Variants in TMEM9B observed in about 807,000 individuals in gnomAD.
TMEM9B encodes the protein transmembrane protein 9B.
Under a neutral mutation model 23.5 loss-of-function variants are expected in TMEM9B, and 8 were observed. The observed-to-expected ratio is 0.34, with a 90% CI of 0.20 to 0.61. The LOEUF (loss-of-function observed/expected upper bound fraction) is 0.61, where lower values mean the gene tolerates loss of function less well. TMEM9B is among the 20% of genes least tolerant of loss of function. TMEM9B has a pLI of 0.78. For synonymous variants in TMEM9B, 106 were observed against 96.3 expected (o/e 1.10, Z -0.59); for missense variants, 197 against 252.3 (o/e 0.78, Z 1.49).
intron 3 of TMEM9B, among the ~76,000 whole-genome samples, chr11:8,955,776 G>C (rs1853963939): frequency 6.6e-6 from 1 of 152,176 alleles, no homozygotes; most frequent in African/African-American, 2.4e-5. Flanking sequence ...GCTGTGGCCT[G>C]GGGGCTGGGG....
rs745819697 is a variant in TMEM9B at position 8,964,193 on chromosome 11, G to A, written c.105+16C>T. 6.4e-7 allele frequency: 1 copy of A among 1,560,702 alleles called. No individual in the cohort carries two copies. The highest frequency in any genetic ancestry group is 1.2e-5 in the South Asian group (1 of 84,506). On this transcript the variant is annotated intron_variant, in intron 1 of 4. Coordinates refer to ENST00000534025, the MANE Select transcript of TMEM9B (RefSeq NM_020644.3). Reference sequence around the variant, plus strand: ...GGGAGGAGCTTCCGTCAGGAGCGAGGCTGGGCGGGACTCACCTTGGCGGCG... The same window carrying A: ...GGGAGGAGCTTCCGTCAGGAGCGAGACTGGGCGGGACTCACCTTGGCGGCG...
intron 2 of TMEM9B, among the ~76,000 whole-genome samples, chr11:8,958,073 C>T (rs534940407): frequency 6.8e-6 from 1 of 146,456 alleles, no homozygotes; most frequent in East Asian, 2.1e-4. Flanking sequence ...ACTTGAGAAT[C>T]GCTTGAACCT....
At chr11:8,951,781 C>T (rs1853881793) in intron 4 of TMEM9B, among the ~76,000 whole-genome samples, 1 of 149,266 alleles carries the variant, frequency 6.7e-6, no homozygotes, top group Admixed American at 6.7e-5. Flanking sequence ...AAGGAAAATT[C>T]AGAAACAATT....
Position 8,948,407 on chromosome 11 carries a change from G to A in TMEM9B, c.510C>T (p.Asn170=). ...AGCGCTGCTGTGCATATTCTACCTTGTTCAGCACGTTGGCTCGACTGCGGG... is the reference window on the plus strand; with the variant it reads ...AGCGCTGCTGTGCATATTCTACCTTATTCAGCACGTTGGCTCGACTGCGGG... ...ARSRSRANVL[N]KVEYAQQRWK... is the part of the protein sequence containing the mutation. Residue 170 remains asparagine (N), a synonymous_variant, in exon 5 of 5, where the codon AAC becomes AAT. Coordinates refer to ENST00000534025, the MANE Select transcript of TMEM9B (RefSeq NM_020644.3). The A allele has an allele frequency of 6.2e-7, 1 of 1,614,202 alleles. No individual in the cohort carries two copies. Among genetic ancestry groups the A allele is most frequent in the African/African-American group, 1.3e-5 (1 of 75,050 alleles).
intron 4 of TMEM9B, among the ~76,000 whole-genome samples, chr11:8,951,322 G>T (rs1364045465): frequency 6.6e-6 from 1 of 152,100 alleles, no homozygotes; most frequent in Non-Finnish European, 1.5e-5. Context: ...GCTGGCAAGG[G>T]CTCACTCTGG....
intron 4 of TMEM9B, among the ~76,000 whole-genome samples, chr11:8,951,833 C>T (rs1236399577): frequency 1.3e-5 from 2 of 151,728 alleles, no homozygotes; most frequent in African/African-American, 4.8e-5. Flanking sequence ...CAGCCAGGCG[C>T]AGTGGCTCAC....
At chr11:8,952,805 T>A in intron 4 of TMEM9B, 1 of 370,452 alleles carries the variant, frequency 2.7e-6, no homozygotes, top group East Asian at 4.7e-5. Flanking sequence ...ATCATGATCT[T>A]CACACTTCCC....
intron 4 of TMEM9B, among the ~76,000 whole-genome samples, chr11:8,951,680 C>T (rs1376485442): frequency 6.6e-6 from 1 of 151,248 alleles, no homozygotes; most frequent in African/African-American, 2.4e-5. Context: ...ATGGCGTGAA[C>T]CCGGGAGGCG....
chr11:8,959,182 TC>T (rs1442406963), intron 2 of TMEM9B, among the ~76,000 whole-genome samples: 1 of 152,238 alleles, frequency 6.6e-6, no homozygotes, highest in African/African-American at 2.4e-5. Flanking sequence ...TGGTGGCTTA[TC>T]CCTATAATCC....
At chr11:8,960,138 G>GTT (rs10550659) in intron 2 of TMEM9B, among the ~76,000 whole-genome samples, 39 of 83,678 alleles carry the variant, frequency 4.7e-4, no homozygotes, top group African/African-American at 1.5e-3. Flanking sequence ...CTTTGTTTCT[G>GTT]TTTTTTTTTT....
Position 8,962,151 on chromosome 11 carries a change from G to A in TMEM9B, c.138C>T (p.Cys46=). The change falls in exon 2 of 5, where the codon TGC becomes TGT. Residue 46 remains cysteine, a synonymous_variant. Coordinates refer to ENST00000534025, the MANE Select transcript of TMEM9B (RefSeq NM_020644.3). ...NFEDVRCKCI[C]PPYKENSGHI... Reference sequence around the variant, plus strand: ...GCCCAGAATTTTCTTTATAGGGAGGGCAGATACATTTACATCTGACATCCT... The same window carrying A: ...GCCCAGAATTTTCTTTATAGGGAGGACAGATACATTTACATCTGACATCCT... 1 of 1,604,880 alleles carries A rather than the reference G, an allele frequency of 6.2e-7. No homozygotes were observed. Among genetic ancestry groups the A allele is most frequent in the South Asian group, 1.1e-5 (1 of 88,580 alleles).
rs1456085883 is a variant in TMEM9B, at chr11:8,947,784, T to G, written c.*536A>C. The G allele has an allele frequency of 6.5e-6, 1 of 153,278 alleles. No homozygotes were observed. Among genetic ancestry groups the G allele is most frequent in the Admixed American group, 6.5e-5 (1 of 15,392 alleles). 9.5% of individuals were successfully genotyped at this position (153,278 alleles called of 1,614,324 possible). A position where few individuals can be genotyped will look rare whatever the true frequency, so the allele number is the denominator to read the frequency against. ...TAATACAGTCAGTGCAAAAGTCAAA[T>G]GAGTAAGTCAGCTCTTTGATGAGGC... On this transcript the variant is annotated 3_prime_UTR_variant, in exon 5 of 5. Transcript: ENST00000534025.
At chr11:8,954,509 G>C (rs185615763) in intron 3 of TMEM9B, among the ~76,000 whole-genome samples, 1 of 151,916 alleles carries the variant, frequency 6.6e-6, no homozygotes, top group Admixed American at 6.6e-5. Context: ...GGCTGGTCTC[G>C]AACTCCTGAC....
chr11:8,948,703 C>T (rs1399271398), intron 4 of TMEM9B, among the ~76,000 whole-genome samples: 1 of 152,134 alleles, frequency 6.6e-6, no homozygotes, highest in Non-Finnish European at 1.5e-5. Flanking sequence ...ATTTGTGAAA[C>T]GTTCCCATGG....
In TMEM9B at chr11:8,948,473, A is replaced by T. The variant is rs1298636385; in HGVS notation, c.444T>A (p.Asp148Glu). The T allele has an allele frequency of 1.2e-6, 2 of 1,613,786 alleles. No individual in the cohort carries two copies. The highest frequency in any genetic ancestry group is 1.7e-6 in the Non-Finnish European group (2 of 1,179,854). ...CGTGTGCATTTGCAAAAGGCTGGTG[A>T]TCCTAAAAGTCCAGGAATGGAGAAC... ...QLIQSDDDIG[D>E]HQPFANAHDV... Residue 148 changes from aspartate to glutamate, a missense_variant and splice_region_variant, in exon 5 of 5, where the codon GAT (aspartate) becomes GAA (glutamate). By Grantham distance (45) the Asp-to-Glu change is conservative (BLOSUM62 2). Transcript: ENST00000534025.
At chr11:8,963,871 C>G in intron 1 of TMEM9B, 1 of 297,460 alleles carries the variant, frequency 3.4e-6, no homozygotes, top group Non-Finnish European at 6.3e-6. Flanking sequence ...AAGTTAAAGG[C>G]TCTCGGAGGT....
chr11:8,956,120 G>C, intron 3 of TMEM9B, 70 bp downstream of exon 3: 1 of 1,462,748 alleles, frequency 6.8e-7, no homozygotes, highest in Non-Finnish European at 9.3e-7. Flanking sequence ...GTCTTGTCTA[G>C]AAACCATCCA....
At chr11:8,949,744 C>T (rs1054786320) in intron 4 of TMEM9B, among the ~76,000 whole-genome samples, 2 of 152,108 alleles carry the variant, frequency 1.3e-5, no homozygotes, top group African/African-American at 4.8e-5. Flanking sequence ...CTTTCCTCCT[C>T]TTCTTTGTCA....
intron 4 of TMEM9B, chr11:8,952,819 A>C (rs1853909955): frequency 2.5e-6 from 1 of 405,050 alleles, no homozygotes; most frequent in African/African-American, 2.0e-5. Flanking sequence ...ACTTCCCTTG[A>C]TGAAAACCTC....
Sources: gnomAD v4.1 joint callset for allele counts (sites outside exome capture counted in the v4.1 genomes callset) on GRCh38, gnomAD v4.1.1 for gene constraint, MANE v1.5 for transcripts, NCBI Gene and HGNC (gene_info 2026-07-23, HGNC 2026-07-21) for gene names.